ABHD2: variants seen among roughly 807,000 people sequenced by gnomAD.
ABHD2 encodes monoacylglycerol lipase ABHD2.
Under a neutral mutation model 48.1 loss-of-function variants are expected in ABHD2, and 20 were observed. The ratio of observed to expected loss-of-function variants is 0.42; its 90% CI spans 0.29 to 0.60. The LOEUF (loss-of-function observed/expected upper bound fraction) is 0.60, where lower values mean the gene tolerates loss of function less well. Among genes scored for constraint, ABHD2 ranks in the 20% least tolerant of loss-of-function variants. The pLI, the probability that ABHD2 is intolerant of heterozygous loss-of-function variation, is 0.24. For synonymous variants in ABHD2, 209 were observed against 214.2 expected (o/e 0.98, Z 0.21); for missense variants, 405 against 550.9 (o/e 0.74, Z 2.65).
At chr15:89,062,806 A>C in the ABHD2 span, among the ~76,000 whole-genome samples, 2 of 152,132 alleles carry the variant, frequency 1.3e-5, no homozygotes, top group African/African-American at 2.4e-5. Flanking sequence ...TGAGCATGAG[A>C]ATGTCAAAGA....
At chr15:89,043,574 AAAG>A in the ABHD2 span, among the ~76,000 whole-genome samples, 35 of 144,000 alleles carry the variant, frequency 2.4e-4, no homozygotes, top group African/African-American at 4.9e-4. Flanking sequence ...AAGAGGAAGA[AAAG>A]AAGAAGAGGA....
At chr15:89,140,102 G>A (rs1008156128) in intron 3 of ABHD2, among the ~76,000 whole-genome samples, 1 of 152,184 alleles carries the variant, frequency 6.6e-6, no homozygotes, top group Non-Finnish European at 1.5e-5. Flanking sequence ...GGAGTCTGAG[G>A]GCAGAGTGTA....
At chr15:89,148,035 G>C (rs781472498) in intron 3 of ABHD2, among the ~76,000 whole-genome samples, 5 of 143,008 alleles carry the variant, frequency 3.5e-5, no homozygotes, top group Non-Finnish European at 7.5e-5. Context: ...AAGAGAATCT[G>C]TTGGACCCGG....
chr15:89,157,946 G>C (rs2050701287), intron 5 of ABHD2, among the ~76,000 whole-genome samples: 1 of 152,106 alleles, frequency 6.6e-6, no homozygotes, highest in Non-Finnish European at 1.5e-5. Flanking sequence ...GGACCCAAAA[G>C]TCAGAAATAG....
intron 3 of ABHD2, among the ~76,000 whole-genome samples, chr15:89,130,266 A>T (rs1032238652): frequency 6.6e-6 from 1 of 152,162 alleles, no homozygotes; most frequent in African/African-American, 2.4e-5. Flanking sequence ...TGTTTATTTC[A>T]ATGGGCAGGA....
chr15:89,156,042 A>G (rs759048810), intron 5 of ABHD2, among the ~76,000 whole-genome samples: 38 of 152,096 alleles, frequency 2.5e-4, no homozygotes, highest in Non-Finnish European at 4.3e-4. Flanking sequence ...TTTGAATTAA[A>G]ATTTTGTGTT....
Position 89,116,257 on chromosome 15 carries a change from A to C in ABHD2, c.-6-65A>C. The C allele has an allele frequency of 1.4e-6, 2 of 1,413,920 alleles. No individual in the cohort carries two copies. Among genetic ancestry groups the C allele is most frequent in the Non-Finnish European group, 2.0e-6 (2 of 1,024,010 alleles). 87.6% of individuals were successfully genotyped at this position (1,413,920 alleles called of 1,614,324 possible). A position where few individuals can be genotyped will look rare whatever the true frequency, so the allele number is the denominator to read the frequency against. On this transcript the variant is annotated intron_variant, in intron 2 of 10. Transcript: ENST00000352732. The surrounding 1 kb of genome is among the most constrained non-coding windows in gnomAD (Gnocchi z 4.6). ...ATCTCTTAGCCCACCATGCGTCTGTAGGGTGGTGGGCACCACCCGTCCTCA... is the reference window on the plus strand; with the variant it reads ...ATCTCTTAGCCCACCATGCGTCTGTCGGGTGGTGGGCACCACCCGTCCTCA...
At chr15:89,075,668 CAGTT>C in the ABHD2 span, among the ~76,000 whole-genome samples, 1 of 152,148 alleles carries the variant, frequency 6.6e-6, no homozygotes, top group Non-Finnish European at 1.5e-5. This position sits in a 1 kb window ranked among gnomAD's most constrained non-coding sequence, Gnocchi z 4.1. Context: ...ACAAGGGAAT[CAGTT>C]GGTGAGAACT....
At position 89,155,533 on chromosome 15, in the gene ABHD2, T is replaced by C; in HGVS notation, c.537T>C (p.Tyr179=). The C allele has an allele frequency of 3.7e-6, 6 of 1,610,572 alleles. No individual in the cohort carries two copies. The highest frequency in any genetic ancestry group is 5.1e-6 in the Non-Finnish European group (6 of 1,177,090). The change falls in exon 5 of 11, where the codon TAT becomes TAC. Residue 179 remains tyrosine, a splice_region_variant and synonymous_variant. Coordinates refer to ENST00000352732, the MANE Select transcript of ABHD2 (RefSeq NM_152924.5). The surrounding 1 kb of genome is among the most constrained non-coding windows in gnomAD (Gnocchi z 4.9). ...IELTSPRMFT[Y]GCTWEFGAMV... The stretch of plus-strand genomic sequence containing the variant: ...TGACCTCGCCACGCATGTTCACCTA[T>C]GGTAAGCATGGCTAAGTGGAGTCCT...
Position 89,097,024 on chromosome 15 carries a change from G to A in ABHD2, c.-107+8461G>A, listed in dbSNP as rs773071743. On this transcript the variant is annotated intron_variant, in intron 1 of 10. Coordinates refer to ENST00000352732, the MANE Select transcript of ABHD2 (RefSeq NM_152924.5). The surrounding 1 kb of genome is among the most constrained non-coding windows in gnomAD (Gnocchi z 4.2). The stretch of plus-strand genomic sequence containing the variant: ...GCCCAGGGACAGTAGAGGCTTGATC[G>A]CAGCTGAAAGTTGGGGTGAGCTTGG... Among the ~76,000 whole-genome samples, 2 of 152,192 alleles carry A rather than the reference G, an allele frequency of 1.3e-5. No homozygotes were observed. The highest frequency in any genetic ancestry group is 6.5e-5 in the Admixed American group (1 of 15,280).
At chr15:89,101,757 T>C (rs567145272) in intron 1 of ABHD2, among the ~76,000 whole-genome samples, 1 of 152,324 alleles carries the variant, frequency 6.6e-6, no homozygotes, top group African/African-American at 2.4e-5. Flanking sequence ...TTTTAGGGCC[T>C]GGAGGGGATG....
Position 89,173,805 on chromosome 15 carries a change from A to C in ABHD2, c.539-2007A>C, listed in dbSNP as rs904915110. Among the ~76,000 whole-genome samples the C allele has an allele frequency of 6.6e-6, 1 of 152,180 alleles. No individual in the cohort carries two copies. Among genetic ancestry groups the C allele is most frequent in the Admixed American group, 6.5e-5 (1 of 15,268 alleles). On this transcript the variant is annotated intron_variant, in intron 5 of 10. Coordinates refer to ENST00000352732, the MANE Select transcript of ABHD2 (RefSeq NM_152924.5). This position sits in a 1 kb window ranked among gnomAD's most constrained non-coding sequence, Gnocchi z 6.5. ...GCCTCTGCTGAGTGTAAGAGGGAGA[A>C]AAATAAGCAGCTTGATCCTCTACTA...
At chr15:89,126,687 A>G (rs2050135403) in intron 3 of ABHD2, among the ~76,000 whole-genome samples, 1 of 152,240 alleles carries the variant, frequency 6.6e-6, no homozygotes, top group African/African-American at 2.4e-5. Flanking sequence ...AGGGTAAGTA[A>G]GAATTTTTCC....
chr15:89,127,733 ATATATATG>A (rs1207534777), intron 3 of ABHD2, among the ~76,000 whole-genome samples: 1,552 of 145,042 alleles, frequency 0.011, 10 homozygotes, highest in Middle Eastern at 0.032. Context: ...ATATATATAT[ATATATATG>A]TATATTTTAA....
intron 3 of ABHD2, among the ~76,000 whole-genome samples, chr15:89,118,370 G>T (rs752017689): frequency 6.6e-6 from 1 of 151,948 alleles, no homozygotes; most frequent in Non-Finnish European, 1.5e-5. Flanking sequence ...GTAGAGACGG[G>T]GTTTCACCAT....
rs1335963670 is a variant in ABHD2 at position 89,179,752 on chromosome 15, A to G, written c.722+3757A>G. 6.6e-6 allele frequency among the ~76,000 whole-genome samples: 1 copy of G among 152,196 alleles called. No individual in the cohort carries two copies. Among genetic ancestry groups the G allele is most frequent in the Non-Finnish European group, 1.5e-5 (1 of 68,032 alleles). ...CCCAAGGACTGCTTCCTTACAGGAC[A>G]GTAGGGGAATTATCAGAGGAGTGTT... On this transcript the variant is annotated intron_variant, in intron 6 of 10. Transcript: ENST00000352732. The surrounding 1 kb of genome is among the most constrained non-coding windows in gnomAD (Gnocchi z 4.3).
chr15:89,107,099 G>A (rs76161597), intron 1 of ABHD2, among the ~76,000 whole-genome samples: 1 of 152,142 alleles, frequency 6.6e-6, no homozygotes, highest in Non-Finnish European at 1.5e-5. Flanking sequence ...TACCTGCAGG[G>A]AAGAATGGGT....
At chr15:89,045,044 C>T in the ABHD2 span, among the ~76,000 whole-genome samples, 10 of 152,098 alleles carry the variant, frequency 6.6e-5, no homozygotes, top group African/African-American at 2.4e-4. Context: ...TTAGGTCTAA[C>T]GTTTAAGTCT....
At chr15:89,121,279 C>A (rs981965750) in intron 3 of ABHD2, among the ~76,000 whole-genome samples, 7 of 152,144 alleles carry the variant, frequency 4.6e-5, no homozygotes, top group African/African-American at 1.7e-4. Flanking sequence ...GCACGGACAT[C>A]TTCTGATTCT....
Sources: allele counts gnomAD v4.1 joint callset (sites outside exome capture counted in the v4.1 genomes callset), GRCh38; gene constraint gnomAD v4.1.1; non-coding constraint Gnocchi (gnomAD v3.1); transcripts MANE v1.5; gene names NCBI Gene and HGNC (gene_info 2026-07-23, HGNC 2026-07-21).